The following CDYL variants were observed in gnomAD, a reference collection of about 807,000 sequenced individuals.
CDYL encodes chromodomain Y-like protein.
Under a neutral mutation model 47.3 loss-of-function variants are expected in CDYL, and 8 were observed. That is an observed-to-expected ratio of 0.17 (90% CI 0.10 to 0.31). The LOEUF is 0.31. Among genes scored for constraint, CDYL ranks in the 10% least tolerant of loss-of-function variants. The probability of loss-of-function intolerance (pLI) is 1.00; values close to 1 mark genes in which losing one functional copy is unlikely to be tolerated. For missense variants in CDYL, 471 were observed against 701.4 expected (o/e 0.67, Z 3.71); for synonymous variants, 266 against 265.0 (o/e 1.00, Z -0.04).
intron 3 of CDYL, among the ~76,000 whole-genome samples, chr6:4,739,849 A>T (rs1757765599): frequency 6.6e-6 from 1 of 152,016 alleles, no homozygotes; most frequent in African/African-American, 2.4e-5. Flanking sequence ...GCTACTCGGG[A>T]GGCTGAGACA....
intron 2 of CDYL, among the ~76,000 whole-genome samples, chr6:4,921,276 TTC>T (rs1166736646): frequency 6.6e-6 from 1 of 152,168 alleles, no homozygotes; most frequent in Non-Finnish European, 1.5e-5. Context: ...AAGCCTCGTT[TTC>T]TCTCTCTGCC....
At chr6:4,721,947 C>T (rs1253576910) in intron 2 of CDYL, among the ~76,000 whole-genome samples, 2 of 151,860 alleles carry the variant, frequency 1.3e-5, no homozygotes, top group Non-Finnish European at 2.9e-5. Context: ...ACTGCAAGCT[C>T]CACCTCCCGG....
At chr6:4,716,012 G>A (rs1757250928) in intron 2 of CDYL, 1 of 1,345,728 alleles carries the variant, frequency 7.4e-7, no homozygotes, top group African/African-American at 1.5e-5. Flanking sequence ...ACTTTGGGAG[G>A]CCGAGGCGGG....
intron 1 of CDYL, among the ~76,000 whole-genome samples, chr6:4,843,623 T>G (rs1760568626): frequency 6.6e-6 from 1 of 152,034 alleles, no homozygotes; most frequent in Admixed American, 6.6e-5. Context: ...TTGCTTAGAC[T>G]TCTGAGAGTA....
At chr6:4,809,037 A>G (rs578183391) in intron 1 of CDYL, among the ~76,000 whole-genome samples, 2 of 152,224 alleles carry the variant, frequency 1.3e-5, no homozygotes, top group East Asian at 3.9e-4. Context: ...TCCCATTCCC[A>G]TTCTGTACGC....
chr6:4,746,373 A>G (rs1757897854), intron 3 of CDYL, among the ~76,000 whole-genome samples: 1 of 152,020 alleles, frequency 6.6e-6, no homozygotes, highest in African/African-American at 2.4e-5. Flanking sequence ...AAAAAAAAAA[A>G]AAAAAAGTTT....
intron 1 of CDYL, among the ~76,000 whole-genome samples, chr6:4,793,500 T>C (rs1029928299): frequency 1.3e-5 from 2 of 152,228 alleles, no homozygotes; most frequent in Non-Finnish European, 2.9e-5. Context: ...GGGGTACTTG[T>C]AGGACTTCAT....
chr6:4,812,164 T>C (rs1759548267), intron 1 of CDYL, among the ~76,000 whole-genome samples: 1 of 152,224 alleles, frequency 6.6e-6, no homozygotes, highest in Non-Finnish European at 1.5e-5. Context: ...CAATGTGTGT[T>C]TAGAATGTAC....
At chr6:4,899,256 T>C (rs1561696592) in intron 2 of CDYL, among the ~76,000 whole-genome samples, 1 of 152,210 alleles carries the variant, frequency 6.6e-6, no homozygotes, top group African/African-American at 2.4e-5. Flanking sequence ...CTCTATCCTC[T>C]TAGGTTTGTG....
intron 5 of CDYL, among the ~76,000 whole-genome samples, chr6:4,950,088 A>G (rs999948614): frequency 2.8e-4 from 42 of 152,318 alleles, no homozygotes; most frequent in African/African-American, 9.4e-4. Flanking sequence ...CTCGGCTGGT[A>G]TCAGGCCCAA....
chr6:4,881,942 G>A (rs1444555488), intron 1 of CDYL, among the ~76,000 whole-genome samples: 1 of 152,198 alleles, frequency 6.6e-6, no homozygotes, highest in African/African-American at 2.4e-5. Context: ...GACATTCATA[G>A]AGAAGACAAA....
At chr6:4,921,049 A>G (rs897927445) in intron 2 of CDYL, among the ~76,000 whole-genome samples, 38 of 152,036 alleles carry the variant, frequency 2.5e-4, no homozygotes, top group African/African-American at 8.7e-4. Context: ...TCAGCATGAT[A>G]CATCCCTGAG....
At chr6:4,788,140 T>A (rs1395610058) in intron 1 of CDYL, among the ~76,000 whole-genome samples, 2 of 152,058 alleles carry the variant, frequency 1.3e-5, no homozygotes, top group African/African-American at 4.8e-5. Context: ...GGGTCTCCAG[T>A]GGCTCACTTC....
At chr6:4,831,260 G>A (rs528085445) in intron 1 of CDYL, among the ~76,000 whole-genome samples, 1 of 152,102 alleles carries the variant, frequency 6.6e-6, no homozygotes, top group African/African-American at 2.4e-5. Flanking sequence ...TTTGTATAAG[G>A]TGTAAGGAAG....
At position 4,741,326 on chromosome 6, in the gene CDYL, A is replaced by G. The variant is rs559045155; in HGVS notation, c.186+6482A>G. Among the ~76,000 whole-genome samples, 489 of 152,346 alleles carry G rather than the reference A, an allele frequency of 3.2e-3. 6 individuals are homozygous for G. The highest frequency in any genetic ancestry group is 0.027 in the South Asian group (128 of 4,828). On this transcript the variant is annotated intron_variant, in intron 3 of 8. Coordinates refer to the CDYL transcript ENST00000328908. ...TAAAGTTCAATTGGCCAAATCATGCATGAAGAGGCTACCAGTCATGGTTAC... is the reference window on the plus strand; with the variant it reads ...TAAAGTTCAATTGGCCAAATCATGCGTGAAGAGGCTACCAGTCATGGTTAC...
chr6:4,835,127 T>G (rs1289292202), intron 1 of CDYL, among the ~76,000 whole-genome samples: 1 of 152,220 alleles, frequency 6.6e-6, no homozygotes, highest in Non-Finnish European at 1.5e-5. Flanking sequence ...ACTGCGATCC[T>G]TTGGAGGAGG....
chr6:4,732,919 G>C (rs1409506506), intron 2 of CDYL, among the ~76,000 whole-genome samples: 2 of 152,166 alleles, frequency 1.3e-5, no homozygotes, highest in African/African-American at 4.8e-5. Context: ...GCGCTGCAGA[G>C]TGGGAGAGAG....
intron 2 of CDYL, among the ~76,000 whole-genome samples, chr6:4,925,886 A>G (rs868450428): frequency 2.0e-5 from 3 of 152,204 alleles, no homozygotes; most frequent in South Asian, 2.1e-4. Context: ...GGCAGGAGCT[A>G]TTCTTAGACT....
At chr6:4,904,719 CAGTTTA>C (rs1757174637) in intron 2 of CDYL, among the ~76,000 whole-genome samples, 2 of 152,130 alleles carry the variant, frequency 1.3e-5, no homozygotes, top group South Asian at 4.1e-4. Flanking sequence ...TTTCTGTCTG[CAGTTTA>C]AGTTCTTATT....
Sources: gnomAD v4.1 joint callset for allele counts (sites outside exome capture counted in the v4.1 genomes callset) on GRCh38, gnomAD v4.1.1 for gene constraint, MANE v1.5 for transcripts, NCBI Gene and HGNC (gene_info 2026-07-23, HGNC 2026-07-21) for gene names.